The following HIP1 variants were observed in gnomAD, a reference collection of about 807,000 sequenced individuals.
The protein encoded by HIP1 is huntingtin-interacting protein 1.
Under a neutral mutation model 147.6 loss-of-function variants are expected in HIP1, and 65 were observed. The observed-to-expected ratio is 0.44, with a 90% confidence interval of 0.36 to 0.54. The LOEUF (loss-of-function observed/expected upper bound fraction) is 0.54, where lower values mean the gene tolerates loss of function less well. Ranked by LOEUF, HIP1 falls within the 20% of genes least tolerant of loss-of-function variation. The pLI, the probability that HIP1 is intolerant of heterozygous loss-of-function variation, is 0.00. For synonymous variants in HIP1, 479 were observed against 504.0 expected (o/e 0.95, Z 0.67); for missense variants, 1,061 against 1,299.6 (o/e 0.82, Z 2.82).
At chr7:75,553,824 G>A (rs753786598) in intron 21 of HIP1, among the ~76,000 whole-genome samples, 15 of 152,076 alleles carry the variant, frequency 9.9e-5, no homozygotes, top group Non-Finnish European at 1.6e-4. Context: ...GGCTGGTCTC[G>A]AACTCCTGAC....
At chr7:75,693,446 T>C (rs185485145) in intron 1 of HIP1, among the ~76,000 whole-genome samples, 1 of 152,172 alleles carries the variant, frequency 6.6e-6, no homozygotes, top group African/African-American at 2.4e-5. Flanking sequence ...CTCTTCCTCT[T>C]GTCTTGCCGA....
At chr7:75,688,827 G>C (rs1800353363) in intron 1 of HIP1, among the ~76,000 whole-genome samples, 1 of 152,188 alleles carries the variant, frequency 6.6e-6, no homozygotes, top group East Asian at 1.9e-4. Flanking sequence ...CCCTGACTTG[G>C]GTGACAAGCA....
chr7:75,602,394 G>GT (rs1194860583), intron 1 of HIP1, among the ~76,000 whole-genome samples: 3 of 139,624 alleles, frequency 2.1e-5, no homozygotes, highest in Non-Finnish European at 4.5e-5. Flanking sequence ...TTGAACACTT[G>GT]GATTCCAGTG....
At chr7:75,573,644 C>G in intron 8 of HIP1, 117 bp downstream of exon 8, 1 of 1,069,676 alleles carries the variant, frequency 9.3e-7, no homozygotes, top group African/African-American at 1.6e-5. Flanking sequence ...CCTTTTGGAA[C>G]AGAAGCAGAC....
chr7:75,651,460 CAAAA>C (rs1168846001), intron 1 of HIP1, among the ~76,000 whole-genome samples: 120 of 44,122 alleles, frequency 2.7e-3, no homozygotes, highest in African/African-American at 6.5e-3. Context: ...CTCCATATCT[CAAAA>C]AAAAAAAAAA....
intron 1 of HIP1, among the ~76,000 whole-genome samples, chr7:75,734,115 G>A (rs1214676975): frequency 2.6e-5 from 4 of 151,918 alleles, no homozygotes; most frequent in Admixed American, 1.3e-4. Flanking sequence ...GCGTGGTGGC[G>A]CTCGCCTGTA....
Position 75,583,586 on chromosome 7 carries a change from TTC to T in HIP1, c.466-1437_466-1436del, listed in dbSNP as rs1195708099. Among the ~76,000 whole-genome samples the T allele has an allele frequency of 5.3e-5, 8 of 152,110 alleles. No individual in the cohort carries two copies. The East Asian group carries it at 1.2e-3, about 22-fold the overall frequency. On this transcript the variant is annotated intron_variant, in intron 5 of 30. Transcript: ENST00000336926. ...GAGGGGGAAACCAGCTCTCTCTTGTTTCTCTCTCTTTTTTTATTTTTTAGAGA... is the reference window on the plus strand; with the variant it reads ...GAGGGGGAAACCAGCTCTCTCTTGTTTCTCTCTTTTTTTATTTTTTAGAGA...
chr7:75,692,292 T>G (rs1800484209), intron 1 of HIP1, among the ~76,000 whole-genome samples: 1 of 152,108 alleles, frequency 6.6e-6, no homozygotes, highest in South Asian at 2.1e-4. Flanking sequence ...AGGGTCTTGC[T>G]GTATTGGCCA....
chr7:75,676,038 A>C (rs1554515954), intron 1 of HIP1, among the ~76,000 whole-genome samples: 1 of 152,078 alleles, frequency 6.6e-6, no homozygotes. Flanking sequence ...TCAAAACCGG[A>C]CATTTCAAAT....
chr7:75,696,729 G>A (rs144341906), intron 1 of HIP1, among the ~76,000 whole-genome samples: 1 of 150,732 alleles, frequency 6.6e-6, no homozygotes, highest in African/African-American at 2.4e-5. Context: ...ACCTCCGAGT[G>A]GCTGGAATTA....
intron 25 of HIP1, among the ~76,000 whole-genome samples, chr7:75,545,598 C>T (rs1480866730): frequency 1.3e-5 from 2 of 151,666 alleles, no homozygotes; most frequent in Admixed American, 6.6e-5. Flanking sequence ...GCCGAGATCG[C>T]GTCACTGCAC....
rs1800989151 is a variant in HIP1 at position 75,706,194 on chromosome 7, T to G, written c.120+32607A>C. 3.3e-5 allele frequency among the ~76,000 whole-genome samples: 5 copies of G among 152,046 alleles called. No individual in the cohort carries two copies. The South Asian group carries it at 1.0e-3, about 31-fold the overall frequency. On this transcript the variant is annotated intron_variant, in intron 1 of 30. Coordinates refer to ENST00000336926, the MANE Select transcript of HIP1 (RefSeq NM_005338.7). The stretch of plus-strand genomic sequence containing the variant: ...ACAGGAGTAAGCCACCATGCCCGGG[T>G]TACTTTTAATATTTTGAGGAACCAC...
At position 75,655,590 on chromosome 7, in the gene HIP1, A is replaced by C. The variant is rs549285671; in HGVS notation, c.121-56343T>G. 3.3e-3 allele frequency among the ~76,000 whole-genome samples: 504 copies of C among 151,592 alleles called. 8 individuals carry two copies. The highest frequency in any genetic ancestry group is 6.8e-3 in the Middle Eastern group (2 of 294). On this transcript the variant is annotated intron_variant, in intron 1 of 30. Transcript: ENST00000336926. ...GAGTGAGCTCTGTCTCAAAAAAAAA[A>C]GAAAAGAAAAGAAAAGAAAAAGACA...
At chr7:75,630,585 A>C (rs1206035584) in intron 1 of HIP1, among the ~76,000 whole-genome samples, 1 of 151,542 alleles carries the variant, frequency 6.6e-6, no homozygotes, top group African/African-American at 2.4e-5. Context: ...CTGTGGTTTC[A>C]TGACCTTACC....
At chr7:75,682,973 C>T (rs1800140541) in intron 1 of HIP1, among the ~76,000 whole-genome samples, 2 of 151,386 alleles carry the variant, frequency 1.3e-5, no homozygotes, top group African/African-American at 4.8e-5. Flanking sequence ...AAGAGGTATT[C>T]GTCATTCACT....
intron 1 of HIP1, among the ~76,000 whole-genome samples, chr7:75,636,988 C>T (rs910202405): frequency 1.3e-5 from 2 of 152,150 alleles, no homozygotes; most frequent in African/African-American, 2.4e-5. Context: ...CAATGCCTAC[C>T]CCACCCAACC....
chr7:75,717,981 A>T (rs1554520769), intron 1 of HIP1, among the ~76,000 whole-genome samples: 2 of 151,500 alleles, frequency 1.3e-5, no homozygotes, highest in Admixed American at 6.6e-5. Context: ...AAAAAGAAAA[A>T]AAAAAAAAGA....
At chr7:75,681,517 T>TC (rs1337315046) in intron 1 of HIP1, among the ~76,000 whole-genome samples, 1 of 130,146 alleles carries the variant, frequency 7.7e-6, no homozygotes, top group Non-Finnish European at 1.7e-5. Flanking sequence ...TTTTTTTTTT[T>TC]TTTTTTTGAG....
At chr7:75,645,108 G>A (rs537725925) in intron 1 of HIP1, among the ~76,000 whole-genome samples, 1 of 152,250 alleles carries the variant, frequency 6.6e-6, no homozygotes, top group African/African-American at 2.4e-5. Flanking sequence ...GGGGCACTGT[G>A]TCATGCTATG....
Sources: allele counts gnomAD v4.1 joint callset (sites outside exome capture counted in the v4.1 genomes callset), GRCh38; gene constraint gnomAD v4.1.1; transcripts MANE v1.5; gene names NCBI Gene and HGNC (gene_info 2026-07-23, HGNC 2026-07-21).